The following NELL2 variants were observed in gnomAD, a reference collection of about 807,000 sequenced individuals.
NELL2 encodes the protein neural EGFL like 2, also known as protein kinase C-binding protein NELL2.
Under a neutral mutation model 109.6 loss-of-function variants are expected in NELL2, and 41 were observed. That is an observed-to-expected ratio of 0.37 (90% CI 0.29 to 0.49). The LOEUF is 0.49. NELL2 is among the 20% of genes least tolerant of loss of function. The pLI, the probability that NELL2 is intolerant of heterozygous loss-of-function variation, is 0.98. For synonymous variants in NELL2, 355 were observed against 344.7 expected, an observed-to-expected ratio of 1.03 and a Z score of -0.33; for missense variants, 900 against 1,008.3, an observed-to-expected ratio of 0.89 and a Z score of 1.45.
intron 9 of NELL2, among the ~76,000 whole-genome samples, chr12:44,771,811 A>G (rs1362374156): frequency 6.6e-6 from 1 of 152,236 alleles, no homozygotes; most frequent in Non-Finnish European, 1.5e-5. Context: ...ACCGAGGGAA[A>G]GTATAAAGGA....
chr12:44,887,227 G>A (rs548553141), intron 1 of NELL2, among the ~76,000 whole-genome samples: 3 of 151,896 alleles, frequency 2.0e-5, no homozygotes, highest in African/African-American at 4.8e-5. Context: ...ATATTCCACC[G>A]GCTGGTCTCG....
chr12:44,781,650 A>G (rs1941963626), intron 3 of NELL2, among the ~76,000 whole-genome samples: 1 of 152,108 alleles, frequency 6.6e-6, no homozygotes, highest in African/African-American at 2.4e-5. Flanking sequence ...TTGAAAGTAG[A>G]CAGAGAAAAT....
At chr12:44,611,103 G>A in intron 13 of NELL2, 133 bp from the exon 14 acceptor site, 1 of 851,470 alleles carries the variant, frequency 1.2e-6, no homozygotes, top group Non-Finnish European at 1.8e-6. Flanking sequence ...AATTATAGAA[G>A]AGCTCAGATT....
intron 19 of NELL2, among the ~76,000 whole-genome samples, chr12:44,517,038 TTTTAA>T (rs1054378296): frequency 4.3e-4 from 65 of 151,574 alleles, no homozygotes; most frequent in African/African-American, 1.4e-3. Context: ...ATTTTCTTTA[TTTTAA>T]TTTATTTTAA....
rs1592695828 is a variant in NELL2 at position 44,875,997 on chromosome 12, A to G, written c.-128T>C. 5 of 1,549,540 alleles carry G rather than the reference A, an allele frequency of 3.2e-6. No individual in the cohort carries two copies. In the East Asian group the frequency reaches 1.2e-4, roughly 37 times the overall value. On this transcript the variant is annotated 5_prime_UTR_variant, in exon 1 of 20. Coordinates refer to ENST00000429094, the MANE Select transcript of NELL2 (RefSeq NM_001145108.2). The stretch of plus-strand genomic sequence containing the variant: ...TGCTGCCTCGGATTTACTGATCAGT[A>G]GGATTAATACGCTTTGGTTGCCTAA...
intron 3 of NELL2, among the ~76,000 whole-genome samples, chr12:44,783,930 GTTAACA>G (rs1566386020): frequency 9.9e-5 from 15 of 151,944 alleles, no homozygotes; most frequent in Non-Finnish European, 2.2e-4. Flanking sequence ...TTAACAAAAT[GTTAACA>G]AATATAATTC....
intron 9 of NELL2, among the ~76,000 whole-genome samples, chr12:44,731,974 C>T (rs1448720723): frequency 6.6e-6 from 1 of 151,810 alleles, no homozygotes; most frequent in African/African-American, 2.4e-5. Flanking sequence ...ATCTCATTTA[C>T]AATAGCATCA....
At chr12:44,787,302 T>G (rs1313269430) in intron 3 of NELL2, among the ~76,000 whole-genome samples, 2 of 152,144 alleles carry the variant, frequency 1.3e-5, no homozygotes, top group African/African-American at 4.8e-5. Context: ...ATATACCATA[T>G]GCATAAATTG....
intron 15 of NELL2, among the ~76,000 whole-genome samples, chr12:44,606,003 A>G (rs1783904031): frequency 6.6e-6 from 1 of 152,152 alleles, no homozygotes; most frequent in Non-Finnish European, 1.5e-5. Flanking sequence ...CTCATGCACA[A>G]TAAATTTAGG....
chr12:44,696,286 T>C (rs1179001404), intron 12 of NELL2, among the ~76,000 whole-genome samples: 1 of 152,302 alleles, frequency 6.6e-6, no homozygotes, highest in Non-Finnish European at 1.5e-5. Flanking sequence ...CTCTGGCACA[T>C]CACATGTGCT....
intron 8 of NELL2, among the ~76,000 whole-genome samples, chr12:44,775,748 G>C (rs1941733258): frequency 6.6e-6 from 1 of 152,118 alleles, no homozygotes; most frequent in African/African-American, 2.4e-5. Context: ...GTCTTCTTTA[G>C]GAATCACTTT....
At chr12:44,817,388 T>G (rs1943387877) in intron 2 of NELL2, among the ~76,000 whole-genome samples, 1 of 152,150 alleles carries the variant, frequency 6.6e-6, no homozygotes, top group Non-Finnish European at 1.5e-5. Flanking sequence ...TACACAGACA[T>G]GGAGAGCACA....
intron 2 of NELL2, among the ~76,000 whole-genome samples, chr12:44,822,325 A>G (rs1171567049): frequency 6.6e-6 from 1 of 152,216 alleles, no homozygotes; most frequent in African/African-American, 2.4e-5. Flanking sequence ...AACAATGGCC[A>G]TAACACCCTT....
chr12:44,767,908 T>C (rs530604709), intron 9 of NELL2, among the ~76,000 whole-genome samples: 1 of 152,304 alleles, frequency 6.6e-6, no homozygotes, highest in East Asian at 1.9e-4. Flanking sequence ...GTTTGCATGG[T>C]TTGCAGATTT....
chr12:44,915,032 T>A (rs1332587962), upstream of NELL2, among the ~76,000 whole-genome samples: 2 of 149,834 alleles, frequency 1.3e-5, no homozygotes, highest in African/African-American at 2.5e-5. Flanking sequence ...TGTATTTTTT[T>A]AGTAGAAACA....
At chr12:44,736,074 G>A (rs1158401394) in intron 9 of NELL2, among the ~76,000 whole-genome samples, 9 of 142,094 alleles carry the variant, frequency 6.3e-5, no homozygotes, top group Admixed American at 1.5e-4. Flanking sequence ...GCAGTGGCGC[G>A]ATCTTGACTC....
chr12:44,857,565 G>GCCAATA (rs1189530847), intron 2 of NELL2, among the ~76,000 whole-genome samples: 4 of 151,982 alleles, frequency 2.6e-5, no homozygotes, highest in African/African-American at 9.7e-5. Context: ...ACCAAGGAAC[G>GCCAATA]CCAAGGTTAT....
At chr12:44,617,409 C>G (rs1164728427) in intron 13 of NELL2, among the ~76,000 whole-genome samples, 1 of 105,790 alleles carries the variant, frequency 9.5e-6, no homozygotes, top group Non-Finnish European at 1.8e-5. Flanking sequence ...CAGTTGTGGC[C>G]GGGCGCGGTG....
chr12:44,842,217 G>A (rs1944252181), intron 2 of NELL2, among the ~76,000 whole-genome samples: 1 of 152,002 alleles, frequency 6.6e-6, no homozygotes, highest in African/African-American at 2.4e-5. Flanking sequence ...CTGATTTCAA[G>A]ATTTATTATA....
Sources: allele counts gnomAD v4.1 joint callset (sites outside exome capture counted in the v4.1 genomes callset), GRCh38; gene constraint gnomAD v4.1.1; transcripts MANE v1.5; gene names NCBI Gene and HGNC (gene_info 2026-07-23, HGNC 2026-07-21).